PIK3CD: variants seen among roughly 807,000 people sequenced by gnomAD.
The protein encoded by PIK3CD is phosphatidylinositol 4,5-bisphosphate 3-kinase catalytic subunit delta isoform.
A neutral mutation model predicts 122.9 loss-of-function variants in PIK3CD; 20 were observed. That is an observed-to-expected ratio of 0.16 (90% CI 0.11 to 0.24). PIK3CD has a LOEUF of 0.24. PIK3CD is among the 10% of genes least tolerant of loss of function. The pLI is 1.00. For synonymous variants in PIK3CD, 596 were observed against 593.4 expected, an observed-to-expected ratio of 1.00 and a Z score of -0.06; for missense variants, 787 against 1,406.3, an observed-to-expected ratio of 0.56 and a Z score of 7.04.
chr1:9,723,903 A>C lies in PIK3CD; in HGVS notation c.2595-66A>C. On this transcript the variant is annotated intron_variant, in intron 20 of 23. Transcript: ENST00000377346. This position sits in a 1 kb window ranked among gnomAD's most constrained non-coding sequence, Gnocchi z 4.9. ...CAGATTCAAGGGGAGAGGGAGTAAT[A>C]ACCCACCTCTTGATAGGCGGAGCTG... 57 of 1,463,068 alleles carry C rather than the reference A, an allele frequency of 3.9e-5. No homozygotes were observed. Among genetic ancestry groups the C allele is most frequent in the Non-Finnish European group, 5.0e-5 (52 of 1,046,400 alleles). 90.6% of individuals were successfully genotyped at this position (1,463,068 alleles called of 1,614,324 possible).
At position 9,716,571 on chromosome 1, in the gene PIK3CD, C is replaced by T. The variant is rs751020278; in HGVS notation, c.732C>T (p.Asn244=). The T allele has an allele frequency of 1.0e-5, 16 of 1,594,464 alleles. No homozygotes were observed. The highest frequency in any genetic ancestry group is 2.3e-5 in the East Asian group (1 of 43,712). The change falls in exon 6 of 24, where the codon AAC becomes AAT. Residue 244 remains asparagine (N), a synonymous_variant. Transcript: ENST00000377346. ...EQPEDYTLQV[N]GRHEYLYGSY... is the part of the protein sequence containing the mutation. ...CGGAAGACTACACGCTGCAGGTGAACGGCAGGCATGAGTACCTGTATGGCA... is the reference window on the plus strand; with the variant it reads ...CGGAAGACTACACGCTGCAGGTGAATGGCAGGCATGAGTACCTGTATGGCA...
upstream of PIK3CD, among the ~76,000 whole-genome samples, chr1:9,648,614 G>A (rs537236808): frequency 6.6e-5 from 10 of 152,316 alleles, no homozygotes; most frequent in East Asian, 1.2e-3. Context: ...GCTAGAGACC[G>A]CTGCTAAGGC....
At chr1:9,630,828 G>A in the PIK3CD span, among the ~76,000 whole-genome samples, 1 of 152,096 alleles carries the variant, frequency 6.6e-6, no homozygotes, top group Non-Finnish European at 1.5e-5. Flanking sequence ...CAGCAAGCCT[G>A]GGATGTTCTG....
the PIK3CD span, among the ~76,000 whole-genome samples, chr1:9,630,584 C>A: frequency 6.6e-6 from 1 of 152,212 alleles, no homozygotes; most frequent in African/African-American, 2.4e-5. Context: ...GTTGAGTAGA[C>A]CAAGAGCTGG....
At position 9,715,522 on chromosome 1, in the gene PIK3CD, C is replaced by A. The variant is rs749675521; in HGVS notation, c.142-19C>A. 1 of 1,609,258 alleles carries A rather than the reference C, an allele frequency of 6.2e-7. No homozygotes were observed. Among genetic ancestry groups the A allele is most frequent in the South Asian group, 1.1e-5 (1 of 90,884 alleles). On this transcript the variant is annotated intron_variant, in intron 3 of 23. Transcript: ENST00000377346. This position sits in a 1 kb window ranked among gnomAD's most constrained non-coding sequence, Gnocchi z 4.1. The stretch of plus-strand genomic sequence containing the variant: ...TGGCTGCCTTGGGTGGAGGGGCTGA[C>A]CGGTGACTGTCCCTCCAGCTGCTGT...
At chr1:9,659,677 T>C (rs1644956444) in intron 1 of PIK3CD, among the ~76,000 whole-genome samples, 1 of 152,198 alleles carries the variant, frequency 6.6e-6, no homozygotes, top group Non-Finnish European at 1.5e-5. Flanking sequence ...TCTTGAAGCT[T>C]AATCCGTGTG....
intron 2 of PIK3CD, among the ~76,000 whole-genome samples, chr1:9,705,549 A>ACACCAT (rs1491390066): frequency 1.3e-5 from 2 of 152,008 alleles, no homozygotes; most frequent in African/African-American, 4.8e-5. Context: ...CACCAAAAAG[A>ACACCAT]CACCATAAGC....
At chr1:9,661,017 C>T (rs1644993685) in intron 1 of PIK3CD, 3 of 151,670 alleles carry the variant, frequency 2.0e-5, no homozygotes, top group Non-Finnish European at 4.4e-5. Context: ...TCACTGCAAC[C>T]TCCGCCTCCC....
intron 2 of PIK3CD, among the ~76,000 whole-genome samples, chr1:9,702,668 G>A (rs1310546042): frequency 1.3e-5 from 2 of 151,400 alleles, no homozygotes; most frequent in African/African-American, 2.4e-5. Flanking sequence ...TTATAGGCAT[G>A]TGCCACCATG....
Position 9,718,965 on chromosome 1 carries a change from C to A in PIK3CD, c.1242+50C>A. The A allele has an allele frequency of 6.5e-7, 1 of 1,539,406 alleles. No individual in the cohort carries two copies. The highest frequency in any genetic ancestry group is 2.3e-5 in the East Asian group (1 of 43,960). On this transcript the variant is annotated intron_variant, in intron 9 of 23. Transcript: ENST00000377346. This position sits in a 1 kb window ranked among gnomAD's most constrained non-coding sequence, Gnocchi z 7.2. Reference sequence around the variant, plus strand: ...GGGTGCAGACCCCGGAGAGCCAGTACAGCCCCTTGCTGGGCCACTCACCAC... The same window carrying A: ...GGGTGCAGACCCCGGAGAGCCAGTAAAGCCCCTTGCTGGGCCACTCACCAC...
rs1180460695 is a variant in PIK3CD, at chr1:9,720,710, C to T, written c.1522-32C>T. The T allele has an allele frequency of 3.1e-6, 5 of 1,600,604 alleles. No individual in the cohort carries two copies. The South Asian group carries it at 5.6e-5, about 18-fold the overall frequency. On this transcript the variant is annotated intron_variant, in intron 12 of 23. Coordinates refer to ENST00000377346, the MANE Select transcript of PIK3CD (RefSeq NM_005026.5). The surrounding 1 kb of genome is among the most constrained non-coding windows in gnomAD (Gnocchi z 9.0). ...TGGGGGGCATGGAGCCGGCGTGGAA[C>T]CAGAGCCCTCACTCCTGCCCACACC...
chr1:9,681,055 T>C (rs1645730518), intron 1 of PIK3CD: 1 of 151,960 alleles, frequency 6.6e-6, no homozygotes, highest in South Asian at 2.1e-4. Flanking sequence ...CAGTTCCTCT[T>C]CATGTGGGCT....
chr1:9,727,901 T>C lies in PIK3CD; in HGVS notation c.*855T>C, dbSNP rs1357735297. On this transcript the variant is annotated 3_prime_UTR_variant, in exon 24 of 24. Coordinates refer to ENST00000377346, the MANE Select transcript of PIK3CD (RefSeq NM_005026.5). ...CTCACTGTAACCTCCGCCTCCCAGG[T>C]TCAAGTGATTCTTCTGCCTCAGCCT... 1.0e-4 allele frequency: 18 copies of C among 171,454 alleles called. No homozygotes were observed. Among genetic ancestry groups the C allele is most frequent in the Admixed American group, 1.3e-4 (2 of 15,572 alleles). The allele number at this position is 171,454 out of a possible 1,614,324, so 10.6% of individuals were successfully genotyped here. A position where few individuals can be genotyped will look rare whatever the true frequency, so the allele number is the denominator to read the frequency against.
intron 2 of PIK3CD, among the ~76,000 whole-genome samples, chr1:9,696,725 C>CA (rs201750410): frequency 0.014 from 1,630 of 119,260 alleles, 26 homozygotes; most frequent in East Asian, 0.054. Context: ...GACCCTGTCC[C>CA]AAAAAAAAAA....
At chr1:9,657,679 C>G (rs2100775016) in intron 1 of PIK3CD, among the ~76,000 whole-genome samples, 1 of 152,250 alleles carries the variant, frequency 6.6e-6, no homozygotes, top group East Asian at 1.9e-4. Context: ...AACAACAGTC[C>G]CTGCCCTCCG....
intron 23 of PIK3CD, among the ~76,000 whole-genome samples, chr1:9,726,291 G>A (rs189248828): frequency 0.012 from 1,819 of 152,238 alleles, 19 homozygotes; most frequent in Non-Finnish European, 0.017. Context: ...GGTGAATCAT[G>A]AGGTCAGGAG....
At chr1:9,716,182 A>G in intron 5 of PIK3CD, 104 bp downstream of exon 5, 1 of 1,030,060 alleles carries the variant, frequency 9.7e-7, no homozygotes, top group Non-Finnish European at 1.5e-6. Context: ...CCCCAGTGGC[A>G]TCAGATGGTG....
intron 1 of PIK3CD, among the ~76,000 whole-genome samples, chr1:9,654,905 C>CA (rs971484905): frequency 0.037 from 5,227 of 141,626 alleles, 297 homozygotes; most frequent in African/African-American, 0.12. Context: ...ACGAAAAATG[C>CA]AAAAAAAAAA....
rs2100694835 is a variant in PIK3CD, at chr1:9,652,955, C to T, written c.-138+1153C>T. On this transcript the variant is annotated intron_variant, in intron 1 of 23. Coordinates refer to ENST00000377346, the MANE Select transcript of PIK3CD (RefSeq NM_005026.5). This position sits in a 1 kb window ranked among gnomAD's most constrained non-coding sequence, Gnocchi z 6.2. ...CGCGGGGCTGATCGGGCAGGTCTCA[C>T]TTGTGCAGGTGTTCCCTGGAAGGTG... is the stretch of plus-strand genomic sequence containing the variant. 1 of 152,406 alleles carries T rather than the reference C, an allele frequency of 6.6e-6. No individual in the cohort carries two copies. Among genetic ancestry groups the T allele is most frequent in the South Asian group, 2.1e-4 (1 of 4,826 alleles). The allele number at this position is 152,406 out of a possible 1,614,324, so 9.4% of individuals were successfully genotyped here. A position where few individuals can be genotyped will look rare whatever the true frequency, so the allele number is the denominator to read the frequency against.
Sources: allele counts gnomAD v4.1 joint callset (sites outside exome capture counted in the v4.1 genomes callset), GRCh38; gene constraint gnomAD v4.1.1; non-coding constraint Gnocchi (gnomAD v3.1); transcripts MANE v1.5; gene names NCBI Gene and HGNC (gene_info 2026-07-23, HGNC 2026-07-21).